Variants in SPAG16 observed in about 807,000 individuals in gnomAD.
The protein encoded by SPAG16 is sperm-associated antigen 16 protein.
A neutral mutation model predicts 80.4 loss-of-function variants in SPAG16; 86 were observed. The ratio of observed to expected loss-of-function variants is 1.07; its 90% CI spans 0.90 to 1.28. SPAG16 has a LOEUF of 1.28. SPAG16 is among the 50% of genes most tolerant of loss of function. SPAG16 has a pLI of 0.00. For synonymous variants in SPAG16, 294 were observed against 265.9 expected, an observed-to-expected ratio of 1.11 and a Z score of -1.03; for missense variants, 870 against 765.3, an observed-to-expected ratio of 1.14 and a Z score of -1.61.
intron 11 of SPAG16, among the ~76,000 whole-genome samples, chr2:213,878,070 A>T (rs13382401): frequency 6.6e-6 from 1 of 152,142 alleles, no homozygotes; most frequent in African/African-American, 2.4e-5. Context: ...TGGATTCAGA[A>T]TACTTCTTCC....
intron 15 of SPAG16, among the ~76,000 whole-genome samples, chr2:214,402,163 G>C (rs912054521): frequency 1.3e-5 from 2 of 151,952 alleles, no homozygotes; most frequent in Non-Finnish European, 2.9e-5. Flanking sequence ...AAATATTTCT[G>C]TCAACATTAT....
intron 10 of SPAG16, among the ~76,000 whole-genome samples, chr2:213,862,193 A>G (rs1449590305): frequency 1.3e-5 from 2 of 152,100 alleles, no homozygotes; most frequent in Non-Finnish European, 2.9e-5. Context: ...AACCATAATT[A>G]CTCTTTTCAA....
At position 213,503,377 on chromosome 2, in the gene SPAG16, A is replaced by G. The variant is rs573820238; in HGVS notation, c.1070+13287A>G. ...AGATATCTTTATGACATTGCCATAA[A>G]AGGTCATGTTGGCATATTACCTTAA... On this transcript the variant is annotated intron_variant, in intron 10 of 15. Coordinates refer to ENST00000331683, the MANE Select transcript of SPAG16 (RefSeq NM_024532.5). 1.6e-4 allele frequency among the ~76,000 whole-genome samples: 24 copies of G among 152,328 alleles called. 1 individual carries two copies. The highest frequency in any genetic ancestry group is 5.8e-4 in the African/African-American group (24 of 41,570).
chr2:214,093,836 C>T (rs1436223700), intron 13 of SPAG16, among the ~76,000 whole-genome samples: 2 of 152,048 alleles, frequency 1.3e-5, no homozygotes, highest in African/African-American at 4.8e-5. Flanking sequence ...AAATGGCATG[C>T]TCTGGGGTCA....
At chr2:213,496,884 G>A (rs1190571523) in intron 10 of SPAG16, among the ~76,000 whole-genome samples, 1 of 151,316 alleles carries the variant, frequency 6.6e-6, no homozygotes, top group Non-Finnish European at 1.5e-5. Context: ...TTTAGAATAA[G>A]CTTAAATTAT....
chr2:213,966,503 T>C (rs2044717244), intron 12 of SPAG16, among the ~76,000 whole-genome samples: 2 of 152,120 alleles, frequency 1.3e-5, no homozygotes, highest in African/African-American at 4.8e-5. Flanking sequence ...AAAATATTAA[T>C]ACAAACATTG....
chr2:213,986,153 A>G (rs893522832), intron 12 of SPAG16, among the ~76,000 whole-genome samples: 2 of 152,118 alleles, frequency 1.3e-5, no homozygotes, highest in Non-Finnish European at 2.9e-5. Context: ...TTATATGGAA[A>G]GATTTCAAAG....
At chr2:213,333,435 A>T (rs1044734523) in intron 5 of SPAG16, among the ~76,000 whole-genome samples, 6 of 152,094 alleles carry the variant, frequency 3.9e-5, no homozygotes, top group Non-Finnish European at 8.8e-5. Flanking sequence ...ACCCTAAGCA[A>T]CCTACAAATT....
rs115457230 is a variant in SPAG16 at position 213,297,825 on chromosome 2, A to T, written c.279+468A>T. ...GGGGGATGTTTTTTGATTATAATACAATGAACTAAAAGTGCATAAAACTGA... is the reference window on the plus strand; with the variant it reads ...GGGGGATGTTTTTTGATTATAATACTATGAACTAAAAGTGCATAAAACTGA... On this transcript the variant is annotated intron_variant, in intron 3 of 15. Coordinates refer to ENST00000331683, the MANE Select transcript of SPAG16 (RefSeq NM_024532.5). Among the ~76,000 whole-genome samples, 982 of 152,300 alleles carry T rather than the reference A, an allele frequency of 6.4e-3. 20 individuals carry two copies. The highest frequency in any genetic ancestry group is 0.023 in the African/African-American group (946 of 41,568).
intron 15 of SPAG16, among the ~76,000 whole-genome samples, chr2:214,167,719 A>G (rs912405063): frequency 6.6e-6 from 1 of 152,024 alleles, no homozygotes; most frequent in Non-Finnish European, 1.5e-5. Context: ...ATGAAATCAT[A>G]AAAGAGTTAA....
intron 15 of SPAG16, among the ~76,000 whole-genome samples, chr2:214,268,184 GT>G (rs759702765): frequency 4.0e-5 from 6 of 151,652 alleles, no homozygotes; most frequent in Non-Finnish European, 7.4e-5. Flanking sequence ...TGGCAAGCAC[GT>G]GGAGAAAAGG....
intron 12 of SPAG16, among the ~76,000 whole-genome samples, chr2:213,938,353 C>A (rs1347872244): frequency 6.6e-6 from 1 of 151,642 alleles, no homozygotes; most frequent in South Asian, 2.1e-4. Context: ...ATGAAAATCA[C>A]GTTTGTTTTA....
intron 5 of SPAG16, among the ~76,000 whole-genome samples, chr2:213,320,031 AT>A (rs1288954884): frequency 1.3e-5 from 2 of 151,962 alleles, no homozygotes; most frequent in Non-Finnish European, 2.9e-5. Context: ...GACATGGAAG[AT>A]TTGAAAGGAA....
chr2:213,746,965 G>A (rs1176082808), intron 10 of SPAG16, among the ~76,000 whole-genome samples: 1 of 152,040 alleles, frequency 6.6e-6, no homozygotes, highest in Non-Finnish European at 1.5e-5. Context: ...AAAGTTAACT[G>A]TAAATCAGTC....
intron 14 of SPAG16, among the ~76,000 whole-genome samples, chr2:214,133,109 A>AT (rs1218842812): frequency 7.2e-4 from 66 of 91,286 alleles, no homozygotes; most frequent in Admixed American, 2.7e-3. Flanking sequence ...AATAAAATAA[A>AT]AAAAATAAAT....
At chr2:213,746,334 C>T (rs769679731) in intron 10 of SPAG16, among the ~76,000 whole-genome samples, 3 of 152,138 alleles carry the variant, frequency 2.0e-5, no homozygotes, top group Non-Finnish European at 4.4e-5. Flanking sequence ...GCCACTTAAC[C>T]TCATTTTGGT....
In SPAG16 at chr2:214,151,778, T is replaced by C. The variant is rs112151738; in HGVS notation, c.1720+2512T>C. 4.2e-3 allele frequency among the ~76,000 whole-genome samples: 639 copies of C among 151,690 alleles called. 5 individuals carry two copies. Among genetic ancestry groups the C allele is most frequent in the African/African-American group, 0.014 (580 of 41,526 alleles). On this transcript the variant is annotated intron_variant, in intron 15 of 15. Coordinates refer to ENST00000331683, the MANE Select transcript of SPAG16 (RefSeq NM_024532.5). ...TATATAATGTGAGGCCAGGCAATGG[T>C]CTGCTGTCTCCGCTGTGCTCTTGGA... is the stretch of plus-strand genomic sequence containing the variant.
At chr2:213,763,830 G>A (rs1241661567) in intron 10 of SPAG16, among the ~76,000 whole-genome samples, 1 of 152,186 alleles carries the variant, frequency 6.6e-6, no homozygotes, top group Non-Finnish European at 1.5e-5. Context: ...CCTGGCACAA[G>A]TTACTTAAGC....
rs139579325 is a variant in SPAG16, at chr2:214,103,096, G to T, written c.1528-5100G>T. On this transcript the variant is annotated intron_variant, in intron 13 of 15. Transcript: ENST00000331683. Reference sequence around the variant, plus strand: ...CATCTGAGGTTTTTTCCTTTCTCCAGTGGCATGTGCCCCCCAGAATGTCAT... The same window carrying T: ...CATCTGAGGTTTTTTCCTTTCTCCATTGGCATGTGCCCCCCAGAATGTCAT... Among the ~76,000 whole-genome samples, 336 of 152,176 alleles carry T rather than the reference G, an allele frequency of 2.2e-3. 1 individual carries two copies. The highest frequency in any genetic ancestry group is 7.8e-3 in the African/African-American group (326 of 41,548).
Sources: gnomAD v4.1 joint callset for allele counts (sites outside exome capture counted in the v4.1 genomes callset) on GRCh38, gnomAD v4.1.1 for gene constraint, MANE v1.5 for transcripts, NCBI Gene and HGNC (gene_info 2026-07-23, HGNC 2026-07-21) for gene names.